The following ADGRL2 variants were observed in gnomAD, a reference collection of about 807,000 sequenced individuals.
ADGRL2 encodes the protein adhesion G protein-coupled receptor L2, also known as calcium-independent alpha-latrotoxin receptor 2.
Under a neutral mutation model 157.4 loss-of-function variants are expected in ADGRL2, and 44 were observed. The observed-to-expected ratio is 0.28, with a 90% CI of 0.22 to 0.36. ADGRL2 has a LOEUF of 0.36. ADGRL2 is among the 10% of genes least tolerant of loss of function. The pLI, the probability that ADGRL2 is intolerant of heterozygous loss-of-function variation, is 1.00. For missense variants in ADGRL2, 1,510 were observed against 1,768.9 expected (o/e 0.85, Z 2.63); for synonymous variants, 585 against 624.7 (o/e 0.94, Z 0.95).
At chr1:81,390,504 A>G (rs1350149789) in intron 1 of ADGRL2, among the ~76,000 whole-genome samples, 1 of 152,266 alleles carries the variant, frequency 6.6e-6, no homozygotes, top group Non-Finnish European at 1.5e-5. Flanking sequence ...TAAGATACAA[A>G]TGATTCATGC....
At chr1:81,416,993 G>T (rs936371708) in intron 1 of ADGRL2, among the ~76,000 whole-genome samples, 1 of 152,132 alleles carries the variant, frequency 6.6e-6, no homozygotes, top group Non-Finnish European at 1.5e-5. Flanking sequence ...CAGGCACGTA[G>T]TTCTCAGAAC....
chr1:81,782,749 G>A (rs2086868738), intron 2 of ADGRL2, among the ~76,000 whole-genome samples: 1 of 152,138 alleles, frequency 6.6e-6, no homozygotes, highest in African/African-American at 2.4e-5. Context: ...GTCGGTGTAG[G>A]GTTTCTTAGG....
At chr1:81,837,944 G>C (rs941290559) in intron 2 of ADGRL2, among the ~76,000 whole-genome samples, 22 of 151,978 alleles carry the variant, frequency 1.4e-4, no homozygotes, top group African/African-American at 5.1e-4. Context: ...AGTTTGTGAA[G>C]GGTATAAAAT....
intron 1 of ADGRL2, among the ~76,000 whole-genome samples, chr1:81,441,304 A>T (rs2077503336): frequency 6.6e-6 from 1 of 152,186 alleles, no homozygotes; most frequent in South Asian, 2.1e-4. Context: ...ATCCATTTTC[A>T]GCCCTTGTTT....
At chr1:81,878,255 C>CA (rs1257687257) in intron 2 of ADGRL2, among the ~76,000 whole-genome samples, 3 of 152,038 alleles carry the variant, frequency 2.0e-5, no homozygotes, top group African/African-American at 7.2e-5. Flanking sequence ...ACATGAGGAA[C>CA]ATAGATAGGG....
At chr1:81,761,466 A>G (rs2085879028) in intron 1 of ADGRL2, among the ~76,000 whole-genome samples, 3 of 152,030 alleles carry the variant, frequency 2.0e-5, no homozygotes, top group Non-Finnish European at 4.4e-5. Context: ...AAAGAGTTTT[A>G]GGTAAACCTG....
At chr1:81,893,262 T>C (rs1197396564) in intron 2 of ADGRL2, among the ~76,000 whole-genome samples, 1 of 139,296 alleles carries the variant, frequency 7.2e-6, no homozygotes, top group Non-Finnish European at 1.6e-5. Context: ...CATCTACACT[T>C]ACTCTCATTT....
intron 3 of ADGRL2, among the ~76,000 whole-genome samples, chr1:81,650,027 T>C (rs866234866): frequency 3.3e-5 from 5 of 150,436 alleles, no homozygotes; most frequent in African/African-American, 1.2e-4. Context: ...GGGTTATTTG[T>C]GGGTGATAAA....
intron 2 of ADGRL2, among the ~76,000 whole-genome samples, chr1:81,893,846 G>A (rs781689460): frequency 1.3e-5 from 2 of 152,116 alleles, no homozygotes. Context: ...TGACAAGATT[G>A]GAAAATAGTT....
chr1:81,838,591 A>T (rs1262495593), intron 2 of ADGRL2, among the ~76,000 whole-genome samples: 1 of 152,060 alleles, frequency 6.6e-6, no homozygotes, highest in Non-Finnish European at 1.5e-5. Context: ...GTTTTTGGGG[A>T]AGAAAACCTA....
At chr1:81,912,053 T>A (rs148710147) in intron 3 of ADGRL2, among the ~76,000 whole-genome samples, 1 of 151,758 alleles carries the variant, frequency 6.6e-6, no homozygotes, top group African/African-American at 2.4e-5. Context: ...TACATTATGA[T>A]GTTTCTTTTA....
chr1:81,525,306 T>C (rs1019116759), intron 2 of ADGRL2, among the ~76,000 whole-genome samples: 5 of 150,916 alleles, frequency 3.3e-5, no homozygotes, highest in Non-Finnish European at 4.4e-5. Context: ...AATGTCAACA[T>C]GGACATTCCA....
At chr1:81,906,049 C>T (rs1572040443) in intron 2 of ADGRL2, among the ~76,000 whole-genome samples, 1 of 150,198 alleles carries the variant, frequency 6.7e-6, no homozygotes, top group Admixed American at 6.7e-5. Flanking sequence ...GGCCTGTGTA[C>T]CATTTGTCCT....
Position 81,987,006 on chromosome 1 carries a change from C to T in ADGRL2, c.3614C>T (p.Ser1205Leu), listed in dbSNP as rs775792286. 4 of 1,611,638 alleles carry T rather than the reference C, an allele frequency of 2.5e-6. No homozygotes were observed. The South Asian group carries it at 3.3e-5, about 13-fold the overall frequency. ...LAETVVCNAP[S>L]APVFNSPATY... ...GAAACAGTTGTATGTAATGCCCCTT[C>T]AGCTCCTGTATTTAACTCACCAGGT... The change falls in exon 22 of 24, where the codon TCA becomes TTA. Residue 1205 changes from serine to leucine, a missense_variant. Coordinates refer to ENST00000686636, the MANE Select transcript of ADGRL2 (RefSeq NM_001366006.2).
chr1:81,473,098 G>A (rs747440534), intron 2 of ADGRL2, among the ~76,000 whole-genome samples: 3 of 147,052 alleles, frequency 2.0e-5, no homozygotes, highest in Non-Finnish European at 3.0e-5. Flanking sequence ...GAGGGAAAGA[G>A]AGAGAGCAGA....
intron 3 of ADGRL2, among the ~76,000 whole-genome samples, chr1:81,921,867 C>T (rs2094987599): frequency 6.6e-6 from 1 of 151,120 alleles, no homozygotes. Flanking sequence ...GATTTGCTGC[C>T]AAATGATTAG....
intron 2 of ADGRL2, among the ~76,000 whole-genome samples, chr1:81,455,390 T>C (rs951450035): frequency 3.3e-5 from 5 of 152,206 alleles, no homozygotes; most frequent in African/African-American, 1.2e-4. Context: ...ACCTCCAACA[T>C]TGTGCTGTGT....
chr1:81,526,821 T>G (rs1040441311), intron 2 of ADGRL2, among the ~76,000 whole-genome samples: 1 of 152,314 alleles, frequency 6.6e-6, no homozygotes, highest in African/African-American at 2.4e-5. Context: ...AATCAGATAT[T>G]TTTGTCTGTT....
intron 1 of ADGRL2, among the ~76,000 whole-genome samples, chr1:81,820,610 T>TTA (rs2090889578): frequency 6.6e-6 from 1 of 152,070 alleles, no homozygotes; most frequent in Non-Finnish European, 1.5e-5. Flanking sequence ...TTTTTTAAAT[T>TTA]AGAGAATTTT....
Sources: gnomAD v4.1 joint callset for allele counts (sites outside exome capture counted in the v4.1 genomes callset) on GRCh38, gnomAD v4.1.1 for gene constraint, MANE v1.5 for transcripts, NCBI Gene and HGNC (gene_info 2026-07-23, HGNC 2026-07-21) for gene names.